IGFN1: variants seen among roughly 807,000 people sequenced by gnomAD.
IGFN1 encodes the protein immunoglobulin like and fibronectin type III domain containing 1, also known as immunoglobulin-like and fibronectin type III domain-containing protein 1.
IGFN1 carries 253 observed loss-of-function variants against 289.5 expected under a neutral mutation model. That is an observed-to-expected ratio of 0.87 (90% CI 0.79 to 0.97). The LOEUF (loss-of-function observed/expected upper bound fraction) is 0.97, where lower values mean the gene tolerates loss of function less well. Ranked by LOEUF, IGFN1 falls within the 50% of genes least tolerant of loss-of-function variation. The probability of loss-of-function intolerance (pLI) is 0.00; values close to 1 mark genes in which losing one functional copy is unlikely to be tolerated. For missense variants in IGFN1, 4,470 were observed against 4,686.1 expected, an observed-to-expected ratio of 0.95 and a Z score of 1.35; for synonymous variants, 1,706 against 1,788.5, an observed-to-expected ratio of 0.95 and a Z score of 1.16.
Position 201,212,097 on chromosome 1 carries a change from T to C in IGFN1, c.7204T>C (p.Ser2402Pro). Reference sequence around the variant, plus strand: ...GGTAGCATCAGAGGGTGACACGAACTCCAAGGATGGTCCAGAGCGAGCCAG... The same window carrying C: ...GGTAGCATCAGAGGGTGACACGAACCCCAAGGATGGTCCAGAGCGAGCCAG... ...YWVASEGDTN[S>P]KDGPERARET... The change falls in exon 12 of 24, where the codon TCC (serine) becomes CCC (proline). Residue 2402 changes from serine (S) to proline (P), a missense_variant. By Grantham distance (74) the Ser-to-Pro change is moderately conservative. Coordinates refer to ENST00000335211, the MANE Select transcript of IGFN1 (RefSeq NM_001164586.2). 1 of 1,536,284 alleles carries C rather than the reference T, an allele frequency of 6.5e-7. No individual in the cohort carries two copies. The highest frequency in any genetic ancestry group is 8.7e-7 in the Non-Finnish European group (1 of 1,146,742).
chr1:201,212,848 G>C lies in IGFN1; in HGVS notation c.7955G>C (p.Gly2652Ala), dbSNP rs879335455. 5.0e-5 allele frequency: 78 copies of C among 1,551,200 alleles called. No homozygotes were observed. Among genetic ancestry groups the C allele is most frequent in the Middle Eastern group, 1.7e-4 (1 of 6,008 alleles). Residue 2652 changes from glycine to alanine, a missense_variant, in exon 12 of 24, where the codon GGT (glycine) becomes GCT (alanine). This residue lies in a region of IGFN1 where 2,218 missense variants were observed against 2,114.1 expected (regional missense o/e 1.05). Transcript: ENST00000335211. ...GKQPAGSRAS[G>A]SLQEKDAAFG... is the part of the protein sequence containing the mutation. ...CAGCCCGCAGGCTCCAGAGCTTCCG[G>C]TTCTCTGCAGGAGAAAGATGCCGCT...
intron 9 of IGFN1, 97 bp from the exon 10 acceptor site, chr1:201,203,641 C>T (rs372733191): frequency 2.1e-5 from 24 of 1,154,274 alleles, no homozygotes; most frequent in Admixed American, 7.2e-5. Flanking sequence ...CGACTGGGCC[C>T]GTGGGAGAAA....
At chr1:201,216,085 G>A (rs1001305463) in intron 15 of IGFN1, 6 of 697,944 alleles carry the variant, frequency 8.6e-6, no homozygotes, top group Non-Finnish European at 1.6e-5. Flanking sequence ...CCAATACACT[G>A]GGCCCTCAGG....
In IGFN1 at chr1:201,206,586, C is replaced by T; in HGVS notation, c.1693C>T (p.Arg565Trp). The T allele has an allele frequency of 6.5e-7, 1 of 1,548,842 alleles. No individual in the cohort carries two copies. Among genetic ancestry groups the T allele is most frequent in the Non-Finnish European group, 8.7e-7 (1 of 1,146,980 alleles). The change falls in exon 12 of 24, where the codon CGG becomes TGG. Residue 565 changes from arginine (R) to tryptophan (W), a missense_variant. By Grantham distance (101) the Arg-to-Trp change is moderately radical. This residue lies in a region of IGFN1 where 2,011 missense variants were observed against 1,953.4 expected (regional missense o/e 1.03). Coordinates refer to ENST00000335211, the MANE Select transcript of IGFN1 (RefSeq NM_001164586.2). ...AGGAGGCTGGGAGGCTGGGTCCAGTCGGCTTCAGGCTGGAGGACTGGGGAG... is the reference window on the plus strand; with the variant it reads ...AGGAGGCTGGGAGGCTGGGTCCAGTTGGCTTCAGGCTGGAGGACTGGGGAG... ...KAGGWEAGSS[R>W]LQAGGLGSSR...
intron 20 of IGFN1, among the ~76,000 whole-genome samples, chr1:201,223,813 C>A (rs995240348): frequency 6.6e-6 from 1 of 152,170 alleles, no homozygotes; most frequent in Non-Finnish European, 1.5e-5. Flanking sequence ...CATATGACAG[C>A]ACCCAATATG....
chr1:201,208,909 A>C lies in IGFN1; in HGVS notation c.4016A>C (p.Lys1339Thr). 6.5e-7 allele frequency: 1 copy of C among 1,536,312 alleles called. No individual in the cohort carries two copies. Among genetic ancestry groups the C allele is most frequent in the Non-Finnish European group, 8.7e-7 (1 of 1,146,566 alleles). ...GAPEGISSGS[K>T]ADYRGGLQDS... The stretch of plus-strand genomic sequence containing the variant: ...CCTGAGGGAATAAGTTCAGGGAGCA[A>C]GGCAGATTATAGGGGTGGTTTACAG... Residue 1339 changes from lysine (K) to threonine (T), a missense_variant, in exon 12 of 24, where the codon AAG becomes ACG. Lys to Thr is a moderately conservative substitution (Grantham distance 78). Around this residue, in one of 8 missense-constraint regions of IGFN1, gnomAD observed 2,011 missense variants for 1,953.4 expected, o/e 1.03. Transcript: ENST00000335211.
At chr1:201,218,691 A>G in intron 18 of IGFN1, 33 bp downstream of exon 18, 2 of 1,586,112 alleles carry the variant, frequency 1.3e-6, no homozygotes, top group Non-Finnish European at 1.7e-6. Context: ...ATGGGGGTGG[A>G]GGTGAGCATG....
At position 201,194,220 on chromosome 1, in the gene IGFN1, G is replaced by T. The variant is rs776638291; in HGVS notation, c.74G>T (p.Gly25Val). 6 of 1,551,604 alleles carry T rather than the reference G, an allele frequency of 3.9e-6. No individual in the cohort carries two copies. The South Asian group carries it at 5.9e-5, about 15-fold the overall frequency. Residue 25 changes from glycine (G) to valine (V), a missense_variant, in exon 3 of 24, where the codon GGC (glycine) becomes GTC (valine). Gly to Val is a moderately radical substitution (Grantham distance 109). Around this residue, in one of 8 missense-constraint regions of IGFN1, gnomAD observed 2,011 missense variants for 1,953.4 expected, o/e 1.03. Transcript: ENST00000335211. ...CAGCTGGTGGAGGAGATCCCTGAAG[G>T]CTGCAGCACGCCGGACTTTGAGCAG... ...IWQLVEEIPE[G>V]CSTPDFEQKP...
chr1:201,213,087 T>C lies in IGFN1; in HGVS notation c.8194T>C (p.Ser2732Pro). Residue 2732 changes from serine (S) to proline (P), a missense_variant, in exon 12 of 24, where the codon TCC (serine) becomes CCC (proline). Around this residue, in one of 8 missense-constraint regions of IGFN1, gnomAD observed 2,218 missense variants for 2,114.1 expected, o/e 1.05. Transcript: ENST00000335211. ...TGCCCTCACCCCAAAACCTGGGGAG[T>C]CCGGACCTCAGGGAGCCTGGAATGG... is the stretch of plus-strand genomic sequence containing the variant. Reference protein sequence around the residue: ...GNALTPKPGESGPQGAWNGLD... With the variant: ...GNALTPKPGEPGPQGAWNGLD... 2 of 1,551,308 alleles carry C rather than the reference T, an allele frequency of 1.3e-6. No homozygotes were observed. Among genetic ancestry groups the C allele is most frequent in the Admixed American group, 2.0e-5 (1 of 50,968 alleles).
chr1:201,208,138 T>G lies in IGFN1; in HGVS notation c.3245T>G (p.Val1082Gly). 3.9e-6 allele frequency: 6 copies of G among 1,536,738 alleles called. No individual in the cohort carries two copies. The highest frequency in any genetic ancestry group is 5.2e-6 in the Non-Finnish European group (6 of 1,146,788). The change falls in exon 12 of 24, where the codon GTG (valine) becomes GGG (glycine). Residue 1082 changes from valine (V) to glycine (G), a missense_variant. By Grantham distance (109) the Val-to-Gly change is moderately radical (BLOSUM62 -3). Around this residue, in one of 8 missense-constraint regions of IGFN1, gnomAD observed 2,011 missense variants for 1,953.4 expected, o/e 1.03. Coordinates refer to ENST00000335211, the MANE Select transcript of IGFN1 (RefSeq NM_001164586.2). ...GATGGTGGCCTAGGGAGTCCTGGGG[T>G]GACAGGGTCTGCGGGTAGAGGTGGT... ...HSDGGLGSPG[V>G]TGSAGRGGLK...
chr1:201,206,954 G>A lies in IGFN1; in HGVS notation c.2061G>A (p.Lys687=), dbSNP rs1372448497. The A allele has an allele frequency of 2.6e-6, 4 of 1,536,346 alleles. No homozygotes were observed. Among genetic ancestry groups the A allele is most frequent in the Non-Finnish European group, 3.5e-6 (4 of 1,146,466 alleles). ...CTGGAGGAAGAGGTTCTGGCTCCAA[G>A]GTGGGCATGGCCCCTGAATCCTGGG... ...ELTGGRGSGS[K]VGMAPESWGS... is the part of the protein sequence containing the mutation. Residue 687 remains lysine (K), a synonymous_variant, in exon 12 of 24, where the codon AAG becomes AAA. Transcript: ENST00000335211.
Position 201,199,644 on chromosome 1 carries a change from C to G in IGFN1, c.448C>G (p.Leu150Val), listed in dbSNP as rs759420764. ...GGAGCTGATGGACTTCCGGAAGTTG[C>G]TGAAAAAGAGGTGGGTTTGGGCCTG... ...RKELMDFRKL[L>V]KKRAPPAPKK... is the part of the protein sequence containing the mutation. Residue 150 changes from leucine (L) to valine (V), a missense_variant, in exon 7 of 24, where the codon CTG (leucine) becomes GTG (valine). Around this residue, in one of 8 missense-constraint regions of IGFN1, gnomAD observed 2,011 missense variants for 1,953.4 expected, o/e 1.03. Transcript: ENST00000335211. The G allele has an allele frequency of 3.4e-5, 53 of 1,551,394 alleles. No individual in the cohort carries two copies. Among genetic ancestry groups the G allele is most frequent in the Non-Finnish European group, 4.4e-5 (51 of 1,146,918 alleles).
rs540044509 is a variant in IGFN1, at chr1:201,216,838, A to AAC, written c.9595+85_9595+86insAC. On this transcript the variant is annotated intron_variant, in intron 16 of 23. Transcript: ENST00000335211. ...GGAGGGCAGGCTGTCCCAGAGGCTG[A>AAC]GTGACACCAGCCTGTGCTCGGGGCT... 5.5e-4 allele frequency: 634 copies of AAC among 1,150,898 alleles called. 8 individuals carry two copies. In the African/African-American group the frequency reaches 8.7e-3, roughly 16 times the overall value. The allele number at this position is 1,150,898 out of a possible 1,614,324, so 71.3% of individuals were successfully genotyped here. A position where few individuals can be genotyped will look rare whatever the true frequency, so the allele number is the denominator to read the frequency against.
Position 201,212,646 on chromosome 1 carries a change from A to G in IGFN1, c.7753A>G (p.Arg2585Gly). Residue 2585 changes from arginine (R) to glycine (G), a missense_variant, in exon 12 of 24, where the codon AGA becomes GGA. This residue lies in a region of IGFN1 where 2,218 missense variants were observed against 2,114.1 expected (regional missense o/e 1.05). Coordinates refer to ENST00000335211, the MANE Select transcript of IGFN1 (RefSeq NM_001164586.2). ...QGGGDSLLGGRRVGSGSSVGT... is the reference protein window; with the variant it reads ...QGGGDSLLGGGRVGSGSSVGT... ...AGGTGGGGACTCACTTTTGGGAGGC[A>G]GAAGGGTAGGCTCAGGGAGTTCAGT... 7 of 1,541,170 alleles carry G rather than the reference A, an allele frequency of 4.5e-6. No homozygotes were observed. The highest frequency in any genetic ancestry group is 6.1e-6 in the Non-Finnish European group (7 of 1,141,238).
chr1:201,216,143 A>C, intron 15 of IGFN1: 1 of 630,694 alleles, frequency 1.6e-6, no homozygotes, highest in East Asian at 2.9e-5. Flanking sequence ...GGTGCCAGCA[A>C]GGTAGGACTG....
In IGFN1 at chr1:201,208,494, G is replaced by A. The variant is rs2102337598; in HGVS notation, c.3601G>A (p.Gly1201Arg). The A allele has an allele frequency of 6.9e-7, 1 of 1,448,644 alleles. No individual in the cohort carries two copies. The highest frequency in any genetic ancestry group is 9.0e-7 in the Non-Finnish European group (1 of 1,108,324). 89.7% of individuals were successfully genotyped at this position (1,448,644 alleles called of 1,614,324 possible). Reference sequence around the variant, plus strand: ...CGCACCTCACAATGGGGCCGCTTCTGGGAGCCAGTGGGCTTATGGGGCTGG... The same window carrying A: ...CGCACCTCACAATGGGGCCGCTTCTAGGAGCCAGTGGGCTTATGGGGCTGG... ...SLAPHNGAAS[G>R]SQWAYGAGNV... Residue 1201 changes from glycine (G) to arginine (R), a missense_variant, in exon 12 of 24, where the codon GGG (glycine) becomes AGG (arginine). Gly to Arg is a moderately radical substitution (Grantham distance 125). This residue lies in a region of IGFN1 where 2,011 missense variants were observed against 1,953.4 expected (regional missense o/e 1.03). Coordinates refer to ENST00000335211, the MANE Select transcript of IGFN1 (RefSeq NM_001164586.2).
At chr1:201,225,122 C>T (rs956387361) in intron 21 of IGFN1, among the ~76,000 whole-genome samples, 3 of 152,238 alleles carry the variant, frequency 2.0e-5, no homozygotes, top group African/African-American at 7.2e-5. Context: ...TCCTCTCCGA[C>T]CTCAGTTATC....
intron 21 of IGFN1, among the ~76,000 whole-genome samples, chr1:201,225,462 G>A (rs1654016614): frequency 6.6e-6 from 1 of 152,150 alleles, no homozygotes; most frequent in Non-Finnish European, 1.5e-5. Context: ...GCGTGGTGGT[G>A]GCCGCCTGTA....
In IGFN1 at chr1:201,213,572, C is replaced by T; in HGVS notation, c.8679C>T (p.Ser2893=). The T allele has an allele frequency of 1.2e-6, 2 of 1,613,948 alleles. No homozygotes were observed. The highest frequency in any genetic ancestry group is 2.2e-5 in the South Asian group (2 of 91,076). The stretch of plus-strand genomic sequence containing the variant: ...AGAGGAGAGATGCTACCCGGAGTTC[C>T]ACATCCAGATACAAGCCTGGCACTG... ...YGERRDATRS[S]TSRYKPGTGS... The change falls in exon 12 of 24, where the codon TCC becomes TCT. Residue 2893 remains serine (S), a synonymous_variant. Transcript: ENST00000335211.
Sources: allele counts gnomAD v4.1 joint callset (sites outside exome capture counted in the v4.1 genomes callset), GRCh38; gene constraint gnomAD v4.1.1; regional missense constraint gnomAD v4.1.1; transcripts MANE v1.5; gene names NCBI Gene and HGNC (gene_info 2026-07-23, HGNC 2026-07-21).